The following SORCS2 variants were observed in gnomAD, a reference collection of about 807,000 sequenced individuals.
SORCS2 encodes sortilin related VPS10 domain containing receptor 2, also known as VPS10 domain-containing receptor SorCS2.
A neutral mutation model predicts 141.6 loss-of-function variants in SORCS2; 100 were observed. That is an observed-to-expected ratio of 0.71 (90% CI 0.60 to 0.83). The LOEUF is 0.83. Among genes scored for constraint, SORCS2 ranks in the 40% least tolerant of loss-of-function variants. The pLI is 0.00. For synonymous variants in SORCS2, 789 were observed against 676.9 expected (o/e 1.17, Z -2.57); for missense variants, 1,646 against 1,560.2 (o/e 1.05, Z -0.93).
intron 3 of SORCS2, among the ~76,000 whole-genome samples, chr4:7,621,505 G>A (rs114041224): frequency 6.6e-6 from 1 of 151,334 alleles, no homozygotes. Flanking sequence ...GTCTATGTGT[G>A]TCTGTATGTT....
intron 1 of SORCS2, among the ~76,000 whole-genome samples, chr4:7,228,161 C>A (rs937724926): frequency 3.3e-5 from 5 of 152,150 alleles, no homozygotes; most frequent in African/African-American, 1.2e-4. Context: ...TCCGAGGCCC[C>A]GCTCCTTGGC....
intron 8 of SORCS2, 101 bp from the exon 9 acceptor site, chr4:7,675,949 A>AT (rs1023981955): frequency 1.1e-4 from 155 of 1,355,784 alleles, no homozygotes; most frequent in Non-Finnish European, 1.5e-4. Context: ...CAGGAGAGCC[A>AT]GGGGTCTTCT....
Position 7,230,542 on chromosome 4 carries a change from G to A in SORCS2, c.480+37416G>A, listed in dbSNP as rs771785233. Among the ~76,000 whole-genome samples the A allele has an allele frequency of 7.0e-5, 10 of 143,262 alleles. 1 individual carries two copies. The highest frequency in any genetic ancestry group is 9.0e-3 in the Middle Eastern group (2 of 222). The allele number at this position is 143,262 out of a possible 152,430, so 94.0% of individuals were successfully genotyped here. ...AAGATGGTCAAGTCTTCCAGTGTCT[G>A]GGCAGGAGTAGTGTCATGTGCTCAT... On this transcript the variant is annotated intron_variant, in intron 1 of 26. Transcript: ENST00000507866.
intron 1 of SORCS2, among the ~76,000 whole-genome samples, chr4:7,215,760 G>A (rs1052433281): frequency 8.5e-5 from 13 of 152,220 alleles, no homozygotes; most frequent in African/African-American, 2.7e-4. Flanking sequence ...TAGCTGCTCT[G>A]GTGGGGTCTT....
intron 2 of SORCS2, among the ~76,000 whole-genome samples, chr4:7,461,314 C>T (rs1424192627): frequency 2.0e-5 from 3 of 152,332 alleles, no homozygotes; most frequent in South Asian, 2.1e-4. Flanking sequence ...CCCCCGCCCT[C>T]CTTCCCCTCT....
At chr4:7,300,482 C>A (rs2108897992) in intron 1 of SORCS2, among the ~76,000 whole-genome samples, 1 of 152,340 alleles carries the variant, frequency 6.6e-6, no homozygotes, top group East Asian at 1.9e-4. Flanking sequence ...TGAAGAGAGG[C>A]ACCCCTGCCT....
At chr4:7,491,026 C>T (rs1163697113) in intron 2 of SORCS2, among the ~76,000 whole-genome samples, 1 of 152,222 alleles carries the variant, frequency 6.6e-6, no homozygotes, top group African/African-American at 2.4e-5. Flanking sequence ...GCCGCCCTTC[C>T]TGTGGCTTCC....
intron 14 of SORCS2, among the ~76,000 whole-genome samples, chr4:7,710,533 C>G (rs969221961): frequency 6.6e-6 from 1 of 152,196 alleles, no homozygotes; most frequent in African/African-American, 2.4e-5. Flanking sequence ...AGAGAAGACC[C>G]TCAGATGCTG....
chr4:7,325,622 C>T (rs184659104), intron 1 of SORCS2, among the ~76,000 whole-genome samples: 101 of 152,254 alleles, frequency 6.6e-4, no homozygotes, highest in African/African-American at 2.1e-3. Flanking sequence ...TACTTTGCTG[C>T]GAGGTAATGA....
chr4:7,427,820 C>T (rs1383970802), intron 2 of SORCS2, among the ~76,000 whole-genome samples: 2 of 151,080 alleles, frequency 1.3e-5, no homozygotes, highest in Admixed American at 1.3e-4. Context: ...CTGAGGGCCC[C>T]TCCCCAACGA....
chr4:7,734,299 G>A lies in SORCS2; in HGVS notation c.3236G>A (p.Gly1079Asp). The change falls in exon 25 of 27, where the codon GGC becomes GAC. Residue 1079 changes from glycine (G) to aspartate (D), a missense_variant. Gly to Asp is a moderately conservative substitution (Grantham distance 94). Coordinates refer to ENST00000507866, the MANE Select transcript of SORCS2 (RefSeq NM_020777.3). ...GCTGAGCAGCTGGGCGGCGGTGGCG[G>A]CTACTGGGCGGTAGTGGTGCTGTTT... ...TGAEQLGGGG[G>D]YWAVVVLFVI... The A allele has an allele frequency of 6.2e-7, 1 of 1,603,016 alleles. No homozygotes were observed. The highest frequency in any genetic ancestry group is 8.5e-7 in the Non-Finnish European group (1 of 1,175,850).
chr4:7,199,051 G>A (rs771435663), intron 1 of SORCS2, among the ~76,000 whole-genome samples: 37 of 152,186 alleles, frequency 2.4e-4, no homozygotes, highest in Non-Finnish European at 3.7e-4. Flanking sequence ...TTACCCATGG[G>A]GTCTGCTGGG....
chr4:7,532,177 C>T (rs556429587), intron 3 of SORCS2, among the ~76,000 whole-genome samples: 39 of 152,298 alleles, frequency 2.6e-4, no homozygotes, highest in South Asian at 1.9e-3. Context: ...GAAGAGCCCT[C>T]CTGCAAACGT....
At chr4:7,244,800 G>T (rs1712966816) in intron 1 of SORCS2, among the ~76,000 whole-genome samples, 1 of 152,242 alleles carries the variant, frequency 6.6e-6, no homozygotes, top group Non-Finnish European at 1.5e-5. Context: ...CTGCAGCCGG[G>T]ACAGGCTGCT....
At chr4:7,438,627 T>C (rs1727456997) in intron 2 of SORCS2, among the ~76,000 whole-genome samples, 1 of 152,048 alleles carries the variant, frequency 6.6e-6, no homozygotes, top group Non-Finnish European at 1.5e-5. Flanking sequence ...TTCTGTTCCC[T>C]TTCTCCTCTC....
At chr4:7,639,717 C>T (rs1413495711) in intron 4 of SORCS2, among the ~76,000 whole-genome samples, 1 of 138,520 alleles carries the variant, frequency 7.2e-6, no homozygotes, top group Non-Finnish European at 1.6e-5. Context: ...GTGTGTTCAC[C>T]TGTGAGTGGG....
chr4:7,619,803 G>A (rs1276926737), intron 3 of SORCS2, among the ~76,000 whole-genome samples: 2 of 152,208 alleles, frequency 1.3e-5, no homozygotes, highest in Non-Finnish European at 2.9e-5. Context: ...CGAGTGGGAA[G>A]GGACGGCCTT....
chr4:7,729,732 C>T lies in SORCS2; in HGVS notation c.3108+20C>T. 1 of 1,605,808 alleles carries T rather than the reference C, an allele frequency of 6.2e-7. No individual in the cohort carries two copies. Among genetic ancestry groups the T allele is most frequent in the Non-Finnish European group, 8.5e-7 (1 of 1,175,098 alleles). ...GATAAGGTATGTCCTGTGGCCGCTG[C>T]ACTCCCAGGTCCTCCCTGCACATCC... is the stretch of plus-strand genomic sequence containing the variant. On this transcript the variant is annotated intron_variant, in intron 23 of 26. Coordinates refer to ENST00000507866, the MANE Select transcript of SORCS2 (RefSeq NM_020777.3).
intron 1 of SORCS2, among the ~76,000 whole-genome samples, chr4:7,199,649 C>T (rs989798258): frequency 1.3e-5 from 2 of 151,800 alleles, no homozygotes; most frequent in African/African-American, 2.4e-5. Flanking sequence ...TGGGGAGCTG[C>T]GTAGACCCGC....
Sources: gnomAD v4.1 joint callset for allele counts (sites outside exome capture counted in the v4.1 genomes callset) on GRCh38, gnomAD v4.1.1 for gene constraint, MANE v1.5 for transcripts, NCBI Gene and HGNC (gene_info 2026-07-23, HGNC 2026-07-21) for gene names.